The following RFX7 variants were observed in gnomAD, a reference collection of about 807,000 sequenced individuals.
RFX7 encodes the protein DNA-binding protein RFX7.
Under a neutral mutation model 111.8 loss-of-function variants are expected in RFX7, and 26 were observed. The ratio of observed to expected loss-of-function variants is 0.23; its 90% CI spans 0.17 to 0.32. RFX7 has a LOEUF of 0.32. Among genes scored for constraint, RFX7 ranks in the 10% least tolerant of loss-of-function variants. The probability of loss-of-function intolerance (pLI) is 1.00; values close to 1 mark genes in which losing one functional copy is unlikely to be tolerated. For missense variants in RFX7, 1,573 were observed against 1,772.9 expected (o/e 0.89, Z 2.02); for synonymous variants, 624 against 624.4 (o/e 1.00, Z 0.01).
At chr15:56,140,483 G>A (rs942631819) in intron 5 of RFX7, among the ~76,000 whole-genome samples, 4 of 152,182 alleles carry the variant, frequency 2.6e-5, no homozygotes, top group African/African-American at 4.8e-5. Context: ...GCTGGCGCAC[G>A]GTGCACGCAC....
chr15:56,111,237 C>G (rs1488061010), intron 5 of RFX7, among the ~76,000 whole-genome samples: 2 of 148,736 alleles, frequency 1.3e-5, no homozygotes, highest in Non-Finnish European at 1.5e-5. Flanking sequence ...ATTGAGAAAT[C>G]GGATGGTTGC....
intron 5 of RFX7, among the ~76,000 whole-genome samples, chr15:56,106,498 C>A (rs1263729069): frequency 6.6e-6 from 1 of 152,114 alleles, no homozygotes; most frequent in South Asian, 2.1e-4. Context: ...TTCTCAATTT[C>A]TTTAATTTTG....
chr15:56,101,703 C>G, intron 7 of RFX7, 137 bp from the exon 8 acceptor site: 2 of 782,790 alleles, frequency 2.6e-6, no homozygotes, highest in Non-Finnish European at 4.0e-6. Context: ...GACCCACTGG[C>G]AGACATATAA....
At chr15:56,113,381 C>T (rs892194684) in intron 5 of RFX7, among the ~76,000 whole-genome samples, 2 of 152,186 alleles carry the variant, frequency 1.3e-5, no homozygotes, top group East Asian at 3.8e-4. Flanking sequence ...CCATCATCCT[C>T]AGCAAACTAA....
intron 2 of RFX7, among the ~76,000 whole-genome samples, chr15:56,232,730 C>T (rs2043578480): frequency 6.6e-6 from 1 of 152,164 alleles, no homozygotes; most frequent in Admixed American, 6.5e-5. Context: ...CTGCCAGATA[C>T]CCTAAATCAT....
intron 3 of RFX7, among the ~76,000 whole-genome samples, chr15:56,174,510 A>G (rs369947627): frequency 6.6e-6 from 1 of 152,086 alleles, no homozygotes; most frequent in Non-Finnish European, 1.5e-5. Context: ...GCACTTTGGG[A>G]GGCGAAGGTA....
chr15:56,238,328 C>T (rs2043647288), intron 2 of RFX7, among the ~76,000 whole-genome samples: 1 of 152,086 alleles, frequency 6.6e-6, no homozygotes, highest in South Asian at 2.1e-4. Flanking sequence ...GAAAGTAAAA[C>T]AAAATTGTTC....
chr15:56,140,310 A>T (rs757188904), intron 5 of RFX7, among the ~76,000 whole-genome samples: 106 of 152,226 alleles, frequency 7.0e-4, no homozygotes, highest in Middle Eastern at 3.4e-3. Context: ...GCGGGATATA[A>T]TCTCGTGGTG....
Position 56,243,249 on chromosome 15 carries a change from G to A in RFX7, c.37C>T (p.Pro13Ser), listed in dbSNP as rs372966380. ...GGGGGAAGCTGCTGATGGGCATCAGGCTGCTGTGGTGGCGGCTGTTGTTGT... is the reference window on the plus strand; with the variant it reads ...GGGGGAAGCTGCTGATGGGCATCAGACTGCTGTGGTGGCGGCTGTTGTTGT... Reference protein sequence around the residue: ...EEQQQPPPQQPDAHQQLPPSA... With the variant: ...EEQQQPPPQQSDAHQQLPPSA... The change falls in exon 2 of 10, where the codon CCT becomes TCT. Residue 13 changes from proline (P) to serine (S), a missense_variant. Pro to Ser is a moderately conservative substitution (Grantham distance 74). Coordinates refer to ENST00000559447, the MANE Select transcript of RFX7 (RefSeq NM_022841.7). The A allele has an allele frequency of 1.5e-6, 2 of 1,306,474 alleles. No homozygotes were observed. Among genetic ancestry groups the A allele is most frequent in the African/African-American group, 1.5e-5 (1 of 64,916 alleles). The allele number at this position is 1,306,474 out of a possible 1,614,324, so 80.9% of individuals were successfully genotyped here. A position where few individuals can be genotyped will look rare whatever the true frequency, so the allele number is the denominator to read the frequency against.
At chr15:56,233,067 C>T (rs2043584986) in intron 2 of RFX7, among the ~76,000 whole-genome samples, 1 of 152,310 alleles carries the variant, frequency 6.6e-6, no homozygotes, top group East Asian at 1.9e-4. Flanking sequence ...TACAGCAGTG[C>T]CCCACTCTAC....
intron 5 of RFX7, among the ~76,000 whole-genome samples, chr15:56,140,663 A>G (rs2042379451): frequency 6.6e-6 from 1 of 152,104 alleles, no homozygotes; most frequent in Non-Finnish European, 1.5e-5. Flanking sequence ...GTTGCTCTCT[A>G]CTGAACTGTA....
chr15:56,208,846 G>A (rs1375494520), intron 2 of RFX7, among the ~76,000 whole-genome samples: 2 of 152,088 alleles, frequency 1.3e-5, no homozygotes, highest in African/African-American at 4.8e-5. Flanking sequence ...AATTTGAAAA[G>A]CAAGGAGAAA....
At chr15:56,134,596 CT>C (rs71706654) in intron 5 of RFX7, among the ~76,000 whole-genome samples, 28,835 of 132,478 alleles carry the variant, frequency 0.22, 2,957 homozygotes, top group East Asian at 0.42. Flanking sequence ...AAATCACTTT[CT>C]TTTTTTTTTT....
rs1432982271 is a variant in RFX7 at position 56,243,222 on chromosome 15, TG to T, written c.63del (p.Ser22AlafsTer53). On this transcript the variant is annotated frameshift_variant, in exon 2 of 10. Transcript: ENST00000559447. LOFTEE classifies it high-confidence loss of function. ...AGGGCCACCCCCGAGTTGGGGGCGC[TG>T]GGGGGAAGCTGCTGATGGGCATCAG... is the stretch of plus-strand genomic sequence containing the variant. ...QQPDAHQQLP[P>X]SAPNSGVALP... 1.5e-6 allele frequency: 2 copies of T among 1,300,006 alleles called. No homozygotes were observed. Among genetic ancestry groups the T allele is most frequent in the Non-Finnish European group, 1.0e-6 (1 of 993,506 alleles). 80.5% of individuals were successfully genotyped at this position (1,300,006 alleles called of 1,614,324 possible).
chr15:56,193,244 C>A, intron 2 of RFX7: 1 of 156,390 alleles, frequency 6.4e-6, no homozygotes. Context: ...AGTGCATGAA[C>A]TGCCTGGTGA....
chr15:56,174,012 T>TCA (rs1323723182), intron 3 of RFX7, among the ~76,000 whole-genome samples: 35 of 152,230 alleles, frequency 2.3e-4, no homozygotes, highest in African/African-American at 7.9e-4. Flanking sequence ...GGAATTTCGC[T>TCA]CACACCTGTA....
chr15:56,102,118 T>C (rs1019863565), intron 7 of RFX7, 51 bp downstream of exon 7: 23 of 1,325,760 alleles, frequency 1.7e-5, no homozygotes, highest in Admixed American at 5.5e-5. Context: ...ATTTCAATGT[T>C]AATATAAAGG....
intron 3 of RFX7, among the ~76,000 whole-genome samples, chr15:56,149,664 C>G (rs1300847778): frequency 6.6e-6 from 1 of 152,200 alleles, no homozygotes; most frequent in Middle Eastern, 3.2e-3. Flanking sequence ...AACTCCAGCA[C>G]AGACACTGCG....
At position 56,223,793 on chromosome 15, in the gene RFX7, C is replaced by T. The variant is rs561889934; in HGVS notation, c.161+19332G>A. ...GCTACCTCAGTTTACTTTATACTTT[C>T]GACTGTTTTGTTTTGTTTTTTCCCC... On this transcript the variant is annotated intron_variant, in intron 2 of 9. Coordinates refer to ENST00000559447, the MANE Select transcript of RFX7 (RefSeq NM_022841.7). Among the ~76,000 whole-genome samples the T allele has an allele frequency of 7.9e-5, 12 of 152,204 alleles. No individual in the cohort carries two copies. In the South Asian group the frequency reaches 1.2e-3, roughly 16 times the overall value.
Sources: allele counts gnomAD v4.1 joint callset (sites outside exome capture counted in the v4.1 genomes callset), GRCh38; gene constraint gnomAD v4.1.1; transcripts MANE v1.5; gene names NCBI Gene and HGNC (gene_info 2026-07-23, HGNC 2026-07-21).